The following NRXN1 variants were observed in gnomAD, a reference collection of about 807,000 sequenced individuals.
NRXN1 encodes the protein neurexin-1.
Under a neutral mutation model 150.9 loss-of-function variants are expected in NRXN1, and 39 were observed. The ratio of observed to expected loss-of-function variants is 0.26; its 90% CI spans 0.20 to 0.34. The LOEUF (loss-of-function observed/expected upper bound fraction) is 0.34. NRXN1 is among the 10% of genes least tolerant of loss of function. NRXN1 has a pLI of 1.00. For missense variants in NRXN1, 1,815 were observed against 1,949.9 expected (o/e 0.93, Z 1.30); for synonymous variants, 924 against 757.0 (o/e 1.22, Z -3.62).
chr2:50,184,530 C>T (rs2060941257), intron 18 of NRXN1, among the ~76,000 whole-genome samples: 1 of 151,926 alleles, frequency 6.6e-6, no homozygotes, highest in Non-Finnish European at 1.5e-5. Flanking sequence ...TAAAAGTATA[C>T]ATTATTCCAA....
chr2:49,972,939 C>G (rs1000320467), intron 21 of NRXN1: 5 of 152,524 alleles, frequency 3.3e-5, no homozygotes, highest in African/African-American at 1.2e-4. Context: ...CTATTGTCTC[C>G]ACTCACTCCA....
chr2:50,955,309 C>G (rs536194612), intron 2 of NRXN1, among the ~76,000 whole-genome samples: 2 of 152,282 alleles, frequency 1.3e-5, no homozygotes. Context: ...CTGACTGTCA[C>G]CAGCTGTGTA....
intron 21 of NRXN1, among the ~76,000 whole-genome samples, chr2:49,961,289 G>A (rs940033351): frequency 6.6e-6 from 1 of 150,854 alleles, no homozygotes; most frequent in Non-Finnish European, 1.5e-5. Context: ...CTTTAACTTT[G>A]ACCCATCTTC....
At chr2:50,646,498 T>C (rs116038267) in intron 5 of NRXN1, among the ~76,000 whole-genome samples, 219 of 152,152 alleles carry the variant, frequency 1.4e-3, no homozygotes, top group African/African-American at 4.6e-3. Flanking sequence ...ACAAATGCAC[T>C]GTGATATGCA....
In NRXN1 at chr2:50,347,002, G is replaced by T. The variant is rs566388958; in HGVS notation, c.3365-110032C>A. ...CCGCGGGAGGCAAAGTTTGGGGCGC[G>T]GGGAGAGGAGAGGGCGCAGGGGAGC... is the stretch of plus-strand genomic sequence containing the variant. On this transcript the variant is annotated intron_variant, in intron 17 of 22. Coordinates refer to ENST00000401669, the MANE Select transcript of NRXN1 (RefSeq NM_001330078.2). The surrounding 1 kb of genome is among the most constrained non-coding windows in gnomAD (Gnocchi z 4.9). 77 of 1,366,604 alleles carry T rather than the reference G, an allele frequency of 5.6e-5. 3 individuals are homozygous for T. In the South Asian group the frequency reaches 1.1e-3, roughly 19 times the overall value. 84.7% of individuals were successfully genotyped at this position (1,366,604 alleles called of 1,614,324 possible).
intron 2 of NRXN1, among the ~76,000 whole-genome samples, chr2:50,960,144 T>A (rs1347554607): frequency 6.6e-6 from 1 of 151,922 alleles, no homozygotes; most frequent in Non-Finnish European, 1.5e-5. Flanking sequence ...ATCTAACAGA[T>A]GAAAAAATAA....
At chr2:50,588,390 C>T (rs964892579) in intron 8 of NRXN1, among the ~76,000 whole-genome samples, 6 of 151,982 alleles carry the variant, frequency 3.9e-5, no homozygotes, top group Non-Finnish European at 7.4e-5. Context: ...GATTCTGCAC[C>T]TCATGAAATC....
At chr2:50,871,405 G>T (rs916324397) in intron 5 of NRXN1, among the ~76,000 whole-genome samples, 2 of 151,708 alleles carry the variant, frequency 1.3e-5, no homozygotes, top group Admixed American at 6.6e-5. Context: ...AATTTATTCA[G>T]ATAAGCAGGA....
At chr2:50,228,550 T>C (rs928444843) in intron 18 of NRXN1, among the ~76,000 whole-genome samples, 4 of 151,936 alleles carry the variant, frequency 2.6e-5, no homozygotes, top group South Asian at 2.1e-4. Flanking sequence ...GAAATATTAG[T>C]ATGGTAGTGA....
At chr2:50,525,806 T>C (rs2092935493) in intron 12 of NRXN1, among the ~76,000 whole-genome samples, 1 of 152,214 alleles carries the variant, frequency 6.6e-6, no homozygotes, top group Non-Finnish European at 1.5e-5. Flanking sequence ...ACAGCTTTTC[T>C]TCCCGGGGGG....
chr2:51,027,383 C>G (rs1670674998), intron 2 of NRXN1, 119 bp downstream of exon 2: 1 of 1,074,406 alleles, frequency 9.3e-7, no homozygotes, highest in Non-Finnish European at 1.2e-6. Context: ...AGGTCCTTCC[C>G]TCGAAGCGAA....
At chr2:50,585,221 T>G (rs13419090) in intron 8 of NRXN1, among the ~76,000 whole-genome samples, 21,045 of 152,086 alleles carry the variant, frequency 0.14, 1,601 homozygotes, top group East Asian at 0.29. Flanking sequence ...TTTCTTCACA[T>G]GTAAGACCGG....
Position 50,113,537 on chromosome 2 carries a change from A to T in NRXN1, c.3547-22043T>A, listed in dbSNP as rs531998790. On this transcript the variant is annotated intron_variant, in intron 18 of 22. Transcript: ENST00000401669. ...CATAACTCACCTTTGTAGGAAAAGG[A>T]TTAACCATAAACTGCCTTTTTCTGA... Among the ~76,000 whole-genome samples, 4 of 152,354 alleles carry T rather than the reference A, an allele frequency of 2.6e-5. No individual in the cohort carries two copies. The South Asian group carries it at 8.3e-4, about 32-fold the overall frequency.
intron 21 of NRXN1, among the ~76,000 whole-genome samples, chr2:50,000,991 A>AT (rs1683827481): frequency 6.6e-6 from 1 of 152,108 alleles, no homozygotes; most frequent in South Asian, 2.1e-4. Flanking sequence ...TAAAATTGTT[A>AT]TTTTCTTCCC....
chr2:50,551,041 AGAG>A (rs1358933609), intron 9 of NRXN1, among the ~76,000 whole-genome samples: 305 of 105,206 alleles, frequency 2.9e-3, no homozygotes, highest in African/African-American at 0.01. Context: ...AGGAAGAGGA[AGAG>A]GAAGAGGAAG....
intron 12 of NRXN1, among the ~76,000 whole-genome samples, chr2:50,516,009 C>T (rs1179143914): frequency 6.6e-6 from 1 of 152,156 alleles, no homozygotes; most frequent in Non-Finnish European, 1.5e-5. Flanking sequence ...AGGAGATTAA[C>T]TCCTCATTAC....
intron 2 of NRXN1, among the ~76,000 whole-genome samples, chr2:50,996,838 C>T (rs1006217935): frequency 2.0e-5 from 3 of 151,950 alleles, no homozygotes; most frequent in African/African-American, 7.2e-5. Context: ...TCACCAATTC[C>T]CTTTACATTA....
intron 21 of NRXN1, among the ~76,000 whole-genome samples, chr2:49,946,188 G>A (rs1364163417): frequency 1.3e-5 from 2 of 152,090 alleles, no homozygotes; most frequent in African/African-American, 4.8e-5. Context: ...GTCTTCTTTT[G>A]AAAAGTGTAT....
chr2:50,973,418 T>C (rs1244623332), intron 2 of NRXN1, among the ~76,000 whole-genome samples: 3 of 152,136 alleles, frequency 2.0e-5, no homozygotes, highest in Non-Finnish European at 4.4e-5. Context: ...TGGTTCTCAT[T>C]TGTCTTAAAG....
Sources: allele counts gnomAD v4.1 joint callset (sites outside exome capture counted in the v4.1 genomes callset), GRCh38; gene constraint gnomAD v4.1.1; non-coding constraint Gnocchi (gnomAD v3.1); transcripts MANE v1.5; gene names NCBI Gene and HGNC (gene_info 2026-07-23, HGNC 2026-07-21).